The following NBAS variants were observed in gnomAD, a reference collection of about 807,000 sequenced individuals.
The protein encoded by NBAS is NBAS subunit of NRZ tethering complex, also known as NAG/BC035112 fusion.
Under a neutral mutation model 302.5 loss-of-function variants are expected in NBAS, and 219 were observed. The ratio of observed to expected loss-of-function variants is 0.72; its 90% CI spans 0.65 to 0.81. The LOEUF is 0.81. Ranked by LOEUF, NBAS falls within the 30% of genes least tolerant of loss-of-function variation. The pLI is 0.00. For missense variants in NBAS, 2,932 were observed against 2,841.6 expected, an observed-to-expected ratio of 1.03 and a Z score of -0.72; for synonymous variants, 1,118 against 1,021.6, an observed-to-expected ratio of 1.09 and a Z score of -1.80.
the NBAS span, among the ~76,000 whole-genome samples, chr2:14,985,730 A>G: frequency 6.6e-6 from 1 of 152,206 alleles, no homozygotes; most frequent in African/African-American, 2.4e-5. Flanking sequence ...AAAGATATTC[A>G]CTGAATTTAA....
At position 15,246,881 on chromosome 2, in the gene NBAS, A is replaced by G. The variant is rs572638428; in HGVS notation, c.5725-8195T>C. Among the ~76,000 whole-genome samples, 10 of 152,328 alleles carry G rather than the reference A, an allele frequency of 6.6e-5. No individual in the cohort carries two copies. In the East Asian group the frequency reaches 1.9e-3, roughly 29 times the overall value. ...TCTAGTTGTAAATACGGAGAGATAA[A>G]AGACATTACAAAGAGGCATGATCAT... On this transcript the variant is annotated intron_variant, in intron 44 of 51. Coordinates refer to ENST00000281513, the MANE Select transcript of NBAS (RefSeq NM_015909.4).
At chr2:14,792,772 A>T in the NBAS span, among the ~76,000 whole-genome samples, 1 of 152,198 alleles carries the variant, frequency 6.6e-6, no homozygotes, top group Non-Finnish European at 1.5e-5. Flanking sequence ...CTAAAAACCA[A>T]GAAAATCACA....
intron 9 of NBAS, among the ~76,000 whole-genome samples, chr2:15,514,412 GT>G (rs933401225): frequency 6.6e-6 from 1 of 152,028 alleles, no homozygotes; most frequent in Admixed American, 6.6e-5. Flanking sequence ...TAATCACAAC[GT>G]TTTTTCAATC....
intron 44 of NBAS, among the ~76,000 whole-genome samples, chr2:15,258,426 A>C (rs1196214843): frequency 6.6e-6 from 1 of 152,156 alleles, no homozygotes; most frequent in South Asian, 2.1e-4. Flanking sequence ...TCTTGCAGAG[A>C]GCCTATAAAT....
the NBAS span, among the ~76,000 whole-genome samples, chr2:15,157,113 T>G: frequency 3.9e-5 from 6 of 152,162 alleles, no homozygotes; most frequent in Non-Finnish European, 8.8e-5. Context: ...CTGCTCTAAG[T>G]TGCACCCCAC....
intron 9 of NBAS, among the ~76,000 whole-genome samples, chr2:15,518,091 T>C (rs1662487036): frequency 6.8e-6 from 1 of 148,042 alleles, no homozygotes; most frequent in Non-Finnish European, 1.5e-5. Flanking sequence ...ATGTCCCAAA[T>C]TATGCACATA....
At chr2:14,887,398 T>TTAAAAAAAAAA in the NBAS span, among the ~76,000 whole-genome samples, 69 of 95,658 alleles carry the variant, frequency 7.2e-4, no homozygotes, top group Non-Finnish European at 8.3e-4. Context: ...GTGAGACTCC[T>TTAAAAAAAAAA]CAAAAAAAAA....
intron 21 of NBAS, among the ~76,000 whole-genome samples, chr2:15,440,299 G>T (rs13010659): frequency 1.3e-5 from 2 of 151,840 alleles, no homozygotes; most frequent in East Asian, 1.9e-4. Context: ...CCGGTACTCC[G>T]CTGAGACAAA....
intron 21 of NBAS, among the ~76,000 whole-genome samples, chr2:15,438,584 A>C (rs547070960): frequency 4.6e-5 from 7 of 152,196 alleles, no homozygotes; most frequent in Non-Finnish European, 8.8e-5. Context: ...AAGGGAAAAA[A>C]ACAAAGTGAG....
In NBAS at chr2:15,255,924, C is replaced by T. The variant is rs142537499; in HGVS notation, c.5725-17238G>A. On this transcript the variant is annotated intron_variant, in intron 44 of 51. Coordinates refer to ENST00000281513, the MANE Select transcript of NBAS (RefSeq NM_015909.4). ...ATTGGTCTATATGCATATTTTCATACGAGTACAGTGCTGTTTTGGTAACTA... is the reference window on the plus strand; with the variant it reads ...ATTGGTCTATATGCATATTTTCATATGAGTACAGTGCTGTTTTGGTAACTA... 5.6e-3 allele frequency among the ~76,000 whole-genome samples: 848 copies of T among 152,214 alleles called. 4 individuals are homozygous for T. Among genetic ancestry groups the T allele is most frequent in the Admixed American group, 8.4e-3 (128 of 15,284 alleles).
chr2:15,513,350 CT>C lies in NBAS; in HGVS notation c.747-2001del, dbSNP rs565830278. ...ACCCTGCTCACCAGGGCAAAAGAGACTGTGGTCCAAAGTCAGGCTAGTATTA... is the reference window on the plus strand; with the variant it reads ...ACCCTGCTCACCAGGGCAAAAGAGACGTGGTCCAAAGTCAGGCTAGTATTA... On this transcript the variant is annotated intron_variant, in intron 9 of 51. Coordinates refer to ENST00000281513, the MANE Select transcript of NBAS (RefSeq NM_015909.4). Among the ~76,000 whole-genome samples the C allele has an allele frequency of 1.1e-4, 16 of 152,292 alleles. No homozygotes were observed. In the South Asian group the frequency reaches 2.3e-3, roughly 22 times the overall value.
intron 31 of NBAS, 77 bp downstream of exon 31, chr2:15,374,531 T>C: frequency 7.7e-7 from 1 of 1,297,172 alleles, no homozygotes; most frequent in Non-Finnish European, 1.1e-6. Flanking sequence ...CTCTTTAGTT[T>C]TAAAAACTAA....
intron 47 of NBAS, among the ~76,000 whole-genome samples, chr2:15,231,972 AG>A (rs1251411503): frequency 2.0e-5 from 3 of 152,228 alleles, no homozygotes; most frequent in Non-Finnish European, 4.4e-5. Context: ...ACATCTTTCT[AG>A]GCTTATAAAG....
chr2:15,059,889 G>C, the NBAS span, among the ~76,000 whole-genome samples: 3 of 150,064 alleles, frequency 2.0e-5, no homozygotes, highest in African/African-American at 7.3e-5. Flanking sequence ...CTAAACCACA[G>C]GAAAGCATGT....
At chr2:15,522,749 C>T (rs1662732958) in intron 9 of NBAS, among the ~76,000 whole-genome samples, 1 of 152,184 alleles carries the variant, frequency 6.6e-6, no homozygotes, top group African/African-American at 2.4e-5. Context: ...GGGCGCCAGC[C>T]CCCAAGCAGG....
At chr2:14,913,365 G>A in the NBAS span, among the ~76,000 whole-genome samples, 2 of 152,104 alleles carry the variant, frequency 1.3e-5, no homozygotes, top group East Asian at 1.9e-4. Flanking sequence ...CAAGACATAA[G>A]TCATTAAGGA....
chr2:15,117,726 C>T, the NBAS span, among the ~76,000 whole-genome samples: 1 of 152,184 alleles, frequency 6.6e-6, no homozygotes, highest in Non-Finnish European at 1.5e-5. Flanking sequence ...CACCTCTTCC[C>T]ATCCTTTGGA....
At chr2:14,970,511 G>A in the NBAS span, among the ~76,000 whole-genome samples, 4 of 152,258 alleles carry the variant, frequency 2.6e-5, no homozygotes, top group South Asian at 2.1e-4. Flanking sequence ...AAACAGACAC[G>A]CCTGGTTTAA....
chr2:14,974,686 G>C, the NBAS span, among the ~76,000 whole-genome samples: 7 of 152,284 alleles, frequency 4.6e-5, no homozygotes, highest in East Asian at 1.2e-3. Flanking sequence ...TGACATTCCT[G>C]TTAAGTGGTC....
Sources: allele counts gnomAD v4.1 joint callset (sites outside exome capture counted in the v4.1 genomes callset), GRCh38; gene constraint gnomAD v4.1.1; transcripts MANE v1.5; gene names NCBI Gene and HGNC (gene_info 2026-07-23, HGNC 2026-07-21).